Variants in LRRC20 observed in about 807,000 individuals in gnomAD.
The protein encoded by LRRC20 is leucine rich repeat containing 20, also known as leucine-rich repeat-containing protein 20.
LRRC20 carries 11 observed loss-of-function variants against 14.4 expected under a neutral mutation model. The observed-to-expected ratio is 0.77, with a 90% CI of 0.48 to 1.27. The LOEUF (loss-of-function observed/expected upper bound fraction) is 1.27, where lower values mean the gene tolerates loss of function less well. Among genes scored for constraint, LRRC20 ranks in the 50% most tolerant of loss-of-function variants. LRRC20 has a pLI of 0.00. For missense variants in LRRC20, 219 were observed against 251.2 expected, an observed-to-expected ratio of 0.87 and a Z score of 0.87; for synonymous variants, 121 against 107.3, an observed-to-expected ratio of 1.13 and a Z score of -0.79.
chr10:70,311,221 C>CCTTTTTTTTT (rs1491407192), intron 4 of LRRC20, among the ~76,000 whole-genome samples: 1 of 120,600 alleles, frequency 8.3e-6, no homozygotes, highest in Non-Finnish European at 1.7e-5. Flanking sequence ...TTCAACATTC[C>CCTTTTTTTTT]ATTTTTTTTT....
At chr10:70,375,981 G>GGTCT (rs1244742541) in intron 2 of LRRC20, among the ~76,000 whole-genome samples, 2 of 151,994 alleles carry the variant, frequency 1.3e-5, no homozygotes, top group Non-Finnish European at 2.9e-5. Flanking sequence ...AGTGTAAAGG[G>GGTCT]GTCTCCTAGC....
At chr10:70,359,844 C>T (rs80242458) in intron 2 of LRRC20, among the ~76,000 whole-genome samples, 7,319 of 152,190 alleles carry the variant, frequency 0.048, 224 homozygotes, top group South Asian at 0.096. Flanking sequence ...CACTAAGCCT[C>T]TGTTCATGTC....
At chr10:70,370,315 G>T (rs1196938769) in intron 2 of LRRC20, among the ~76,000 whole-genome samples, 1 of 152,136 alleles carries the variant, frequency 6.6e-6, no homozygotes, top group African/African-American at 2.4e-5. Flanking sequence ...ACACAGCCCT[G>T]CGACCCAGGA....
At position 70,341,656 on chromosome 10, in the gene LRRC20, T is replaced by A. The variant is rs1842917471; in HGVS notation, c.83-954A>T. Among the ~76,000 whole-genome samples, 4 of 152,216 alleles carry A rather than the reference T, an allele frequency of 2.6e-5. No homozygotes were observed. The South Asian group carries it at 6.2e-4, about 24-fold the overall frequency. On this transcript the variant is annotated intron_variant, in intron 2 of 4. Transcript: ENST00000446961. ...GGTGGTATGTACCTGTAATCCCAGC[T>A]ACTCACAAGGCTGAGGCACGAGAAT...
chr10:70,340,120 CAA>C (rs1172436748), intron 3 of LRRC20, among the ~76,000 whole-genome samples: 8 of 125,168 alleles, frequency 6.4e-5, no homozygotes, highest in Admixed American at 8.3e-5. Context: ...GATTCCATCT[CAA>C]AAAAAAAAAA....
At chr10:70,348,182 G>A (rs1031744588) in intron 2 of LRRC20, among the ~76,000 whole-genome samples, 1 of 152,128 alleles carries the variant, frequency 6.6e-6, no homozygotes, top group East Asian at 1.9e-4. Context: ...TGCCACCAAC[G>A]TCAAAGGCAA....
chr10:70,356,814 G>A (rs571315687), intron 2 of LRRC20, among the ~76,000 whole-genome samples: 87 of 152,188 alleles, frequency 5.7e-4, no homozygotes, highest in Middle Eastern at 6.8e-3. Flanking sequence ...TCGCGCCACT[G>A]CACTCCAGCC....
chr10:70,350,241 C>T (rs1843250849), intron 2 of LRRC20, among the ~76,000 whole-genome samples: 1 of 152,222 alleles, frequency 6.6e-6, no homozygotes, highest in Non-Finnish European at 1.5e-5. Context: ...CTAGCAGCCC[C>T]AGCCACTGAC....
At chr10:70,367,323 G>A (rs1459734577) in intron 2 of LRRC20, among the ~76,000 whole-genome samples, 2 of 43,484 alleles carry the variant, frequency 4.6e-5, no homozygotes, top group South Asian at 1.2e-3. Flanking sequence ...AGTGAGACCC[G>A]GTCTCAAAAA....
chr10:70,368,157 C>CTTTTT (rs373588441), intron 2 of LRRC20, among the ~76,000 whole-genome samples: 1 of 102,810 alleles, frequency 9.7e-6, no homozygotes, highest in African/African-American at 4.0e-5. Context: ...CTAATTTTTG[C>CTTTTT]TTTTTTTTTT....
chr10:70,304,486 A>ATATATATATG (rs1449138235), intron 4 of LRRC20, among the ~76,000 whole-genome samples: 1 of 139,726 alleles, frequency 7.2e-6, no homozygotes, highest in African/African-American at 2.5e-5. Flanking sequence ...ATATATATAT[A>ATATATATATG]TATATATATA....
intron 2 of LRRC20, among the ~76,000 whole-genome samples, chr10:70,345,882 T>C (rs528749397): frequency 3.9e-5 from 6 of 152,218 alleles, no homozygotes; most frequent in Admixed American, 2.0e-4. Flanking sequence ...GCATGGTGGC[T>C]CACACCTGTA....
At chr10:70,321,517 GC>G (rs996186918) in intron 4 of LRRC20, among the ~76,000 whole-genome samples, 1 of 152,226 alleles carries the variant, frequency 6.6e-6, no homozygotes, top group African/African-American at 2.4e-5. Context: ...GCCTCCATAT[GC>G]CCCCTCTCTC....
At chr10:70,341,025 C>A (rs1425838010) in intron 2 of LRRC20, among the ~76,000 whole-genome samples, 3 of 152,228 alleles carry the variant, frequency 2.0e-5, no homozygotes, top group Admixed American at 6.5e-5. Context: ...TGAGATCCTG[C>A]AGAATCCACA....
At chr10:70,316,443 G>A (rs1841864640) in intron 4 of LRRC20, among the ~76,000 whole-genome samples, 1 of 152,334 alleles carries the variant, frequency 6.6e-6, no homozygotes, top group African/African-American at 2.4e-5. Context: ...CTTTTCTTGT[G>A]TTTTAAACAA....
intron 4 of LRRC20, among the ~76,000 whole-genome samples, chr10:70,302,639 G>T (rs1253285528): frequency 2.0e-5 from 3 of 152,152 alleles, no homozygotes; most frequent in Non-Finnish European, 4.4e-5. Context: ...TCAGGAGGCT[G>T]AGGCAGGAGA....
At chr10:70,341,785 T>A (rs866780456) in intron 2 of LRRC20, among the ~76,000 whole-genome samples, 5 of 151,600 alleles carry the variant, frequency 3.3e-5, no homozygotes, top group Non-Finnish European at 7.4e-5. Flanking sequence ...AAAAAATTTT[T>A]AAAAAAGAAA....
intron 3 of LRRC20, among the ~76,000 whole-genome samples, chr10:70,335,311 A>G (rs1004934778): frequency 4.6e-5 from 7 of 152,178 alleles, no homozygotes; most frequent in Non-Finnish European, 1.0e-4. Context: ...TGTTACCTCC[A>G]GATGCAGGGT....
At chr10:70,376,697 G>A in intron 1 of LRRC20, 101 bp from the exon 2 acceptor site, 1 of 647,312 alleles carries the variant, frequency 1.5e-6, no homozygotes. Flanking sequence ...AGGCTGTCAG[G>A]AAGCCTGCAG....
Sources: gnomAD v4.1 joint callset for allele counts (sites outside exome capture counted in the v4.1 genomes callset) on GRCh38, gnomAD v4.1.1 for gene constraint, MANE v1.5 for transcripts, NCBI Gene and HGNC (gene_info 2026-07-23, HGNC 2026-07-21) for gene names.